Variants in CD200R1L observed in about 807,000 individuals in gnomAD.
CD200R1L encodes CD200 receptor 1 like.
Under a neutral mutation model 24.8 loss-of-function variants are expected in CD200R1L, and 14 were observed. The ratio of observed to expected loss-of-function variants is 0.56; its 90% CI spans 0.37 to 0.88. CD200R1L has a LOEUF of 0.88. CD200R1L is among the 40% of genes least tolerant of loss of function. The pLI, the probability that CD200R1L is intolerant of heterozygous loss-of-function variation, is 0.00. For synonymous variants in CD200R1L, 111 were observed against 109.2 expected (o/e 1.02, Z -0.11); for missense variants, 299 against 297.8 (o/e 1.00, Z -0.03).
At chr3:112,824,632 G>T (rs1181190837) in intron 6 of CD200R1L, among the ~76,000 whole-genome samples, 1 of 152,334 alleles carries the variant, frequency 6.6e-6, no homozygotes, top group African/African-American at 2.4e-5. Flanking sequence ...AAACGAAAAA[G>T]TTGACTGAAA....
chr3:112,841,389 C>T (rs993469958), intron 2 of CD200R1L: 12 of 355,906 alleles, frequency 3.4e-5, no homozygotes, highest in Middle Eastern at 8.2e-4. Flanking sequence ...TTATAAATTA[C>T]CCATTCTTGG....
intron 6 of CD200R1L, among the ~76,000 whole-genome samples, chr3:112,823,921 G>GGCTAAAGAGAGAA (rs11271128): frequency 0.93 from 141,579 of 151,974 alleles, 66,107 homozygotes; most frequent in Non-Finnish European, 0.96. Context: ...TGAAGCGCAA[G>GGCTAAAGAGAGAA]GCAGGTTGTG....
chr3:112,843,663 C>T (rs1160684361), intron 2 of CD200R1L, among the ~76,000 whole-genome samples: 4 of 152,166 alleles, frequency 2.6e-5, no homozygotes, highest in African/African-American at 9.7e-5. Flanking sequence ...ATAAAGCAAC[C>T]AGCTAATGAC....
intron 2 of CD200R1L, among the ~76,000 whole-genome samples, chr3:112,841,498 G>A (rs139995185): frequency 1.3e-5 from 2 of 152,244 alleles, no homozygotes; most frequent in Non-Finnish European, 2.9e-5. Flanking sequence ...GAGCCTAGAA[G>A]ATTTCTCATG....
At chr3:112,833,510 A>C (rs1362289130) in intron 3 of CD200R1L, among the ~76,000 whole-genome samples, 4 of 152,184 alleles carry the variant, frequency 2.6e-5, no homozygotes, top group African/African-American at 9.7e-5. Context: ...TGGGATATGA[A>C]ATGATCAGGC....
At chr3:112,842,329 C>T (rs1384057369) in intron 2 of CD200R1L, among the ~76,000 whole-genome samples, 2 of 152,196 alleles carry the variant, frequency 1.3e-5, no homozygotes, top group Non-Finnish European at 2.9e-5. Context: ...TATCAGTTCC[C>T]AAATAATACT....
At position 112,845,701 on chromosome 3, in the gene CD200R1L, A is replaced by C; in HGVS notation, c.-109T>G. 1 of 1,613,568 alleles carries C rather than the reference A, an allele frequency of 6.2e-7. No individual in the cohort carries two copies. The highest frequency in any genetic ancestry group is 1.7e-5 in the Admixed American group (1 of 59,996). ...TACCAGACACCATGATAATGATGGA[A>C]ATCAGTAATCTTGGAGCTGACATCT... is the stretch of plus-strand genomic sequence containing the variant. On this transcript the variant is annotated 5_prime_UTR_variant, in exon 2 of 8. The change creates a new upstream start codon in the 5' untranslated region. Transcript: ENST00000488794.
intron 3 of CD200R1L, among the ~76,000 whole-genome samples, chr3:112,836,436 C>T (rs1435585068): frequency 2.0e-5 from 3 of 152,302 alleles, no homozygotes; most frequent in East Asian, 3.9e-4. Context: ...GAGAAATATG[C>T]CTTTTGTACT....
In CD200R1L at chr3:112,820,041, T is replaced by C. The variant is rs896558032; in HGVS notation, c.617-146A>G. The stretch of plus-strand genomic sequence containing the variant: ...AAAACCTTCTAAATTATGACTCAAA[T>C]GTTACTAATATACCATTCTTTCATG... On this transcript the variant is annotated intron_variant, in intron 6 of 7. Transcript: ENST00000488794. The C allele has an allele frequency of 6.6e-5, 45 of 685,390 alleles. 1 individual carries two copies. Among genetic ancestry groups the C allele is most frequent in the Non-Finnish European group, 3.3e-5 (15 of 448,320 alleles). 42.5% of individuals were successfully genotyped at this position (685,390 alleles called of 1,614,324 possible).
intron 2 of CD200R1L, among the ~76,000 whole-genome samples, chr3:112,839,888 C>T (rs1939040529): frequency 6.6e-6 from 1 of 152,128 alleles, no homozygotes; most frequent in African/African-American, 2.4e-5. Flanking sequence ...TTTCTATTCT[C>T]CTCAGGATCT....
At chr3:112,832,210 C>G (rs1372897728) in intron 3 of CD200R1L, among the ~76,000 whole-genome samples, 1 of 152,108 alleles carries the variant, frequency 6.6e-6, no homozygotes, top group African/African-American at 2.4e-5. Flanking sequence ...CTGAATTGAT[C>G]CTGATACCCA....
intron 7 of CD200R1L, among the ~76,000 whole-genome samples, chr3:112,817,261 T>A (rs1292883127): frequency 6.6e-6 from 1 of 152,136 alleles, no homozygotes. Context: ...TTTTTACTTA[T>A]GTTCAATTAC....
chr3:112,832,877 T>A lies in CD200R1L; in HGVS notation c.-17-3493A>T, dbSNP rs117559881. The stretch of plus-strand genomic sequence containing the variant: ...ATGTACAATGTAATCTAAAAAGATC[T>A]AGGCTATCTGGGCATTTTGCAAAGA... On this transcript the variant is annotated intron_variant, in intron 3 of 7. Transcript: ENST00000488794. Among the ~76,000 whole-genome samples, 196 of 152,360 alleles carry A rather than the reference T, an allele frequency of 1.3e-3. 10 individuals carry two copies. The East Asian group carries it at 0.031, about 24-fold the overall frequency.
chr3:112,841,699 A>G (rs1311008020), intron 2 of CD200R1L, among the ~76,000 whole-genome samples: 1 of 152,164 alleles, frequency 6.6e-6, no homozygotes, highest in Non-Finnish European at 1.5e-5. Flanking sequence ...GCCACTCCTG[A>G]AATAGGGTGC....
At chr3:112,819,989 T>G in intron 6 of CD200R1L, 94 bp from the exon 7 acceptor site, 1 of 1,174,684 alleles carries the variant, frequency 8.5e-7, no homozygotes, top group Non-Finnish European at 1.2e-6. Context: ...AAAATATTCT[T>G]AAGAGTTCAT....
At chr3:112,830,099 G>A (rs561195789) in intron 3 of CD200R1L, among the ~76,000 whole-genome samples, 20 of 152,278 alleles carry the variant, frequency 1.3e-4, no homozygotes, top group African/African-American at 2.6e-4. Context: ...GGGTCACTTC[G>A]GGGGAACTGC....
Position 112,845,752 on chromosome 3 carries a change from T to C in CD200R1L, c.-160A>G. 2 of 1,594,336 alleles carry C rather than the reference T, an allele frequency of 1.3e-6. No homozygotes were observed. The highest frequency in any genetic ancestry group is 2.7e-5 in the African/African-American group (2 of 74,528). On this transcript the variant is annotated 5_prime_UTR_variant, in exon 2 of 8. Coordinates refer to ENST00000488794, the MANE Select transcript of CD200R1L (RefSeq NM_001199215.3). ...TCCCTAAAGTATGCTTTTGGAGTGG[T>C]TTTCTACTTAAACATAAATCCACTT... is the stretch of plus-strand genomic sequence containing the variant.
chr3:112,818,066 C>T (rs1443428328), intron 7 of CD200R1L, among the ~76,000 whole-genome samples: 1 of 152,206 alleles, frequency 6.6e-6, no homozygotes. Flanking sequence ...AATTACTTCC[C>T]TCTGGGTCCC....
chr3:112,827,695 A>G lies in CD200R1L; in HGVS notation c.50-11T>C, dbSNP rs920683499. 5.0e-6 allele frequency: 8 copies of G among 1,608,156 alleles called. No homozygotes were observed. The African/African-American group carries it at 9.4e-5, about 19-fold the overall frequency. ...GCTGTGAAATGTTACCTGGACACAC[A>G]CACAAAGGATAATGATATAGAAAAC... On this transcript the variant is annotated splice_polypyrimidine_tract_variant and intron_variant, in intron 4 of 7. Transcript: ENST00000488794.
Sources: allele counts gnomAD v4.1 joint callset (sites outside exome capture counted in the v4.1 genomes callset), GRCh38; gene constraint gnomAD v4.1.1; transcripts MANE v1.5; gene names NCBI Gene and HGNC (gene_info 2026-07-23, HGNC 2026-07-21).